Variants in ANK1 observed in about 807,000 individuals in gnomAD.
The protein encoded by ANK1 is ankyrin-1.
ANK1 carries 51 observed loss-of-function variants against 210.4 expected under a neutral mutation model. The ratio of observed to expected loss-of-function variants is 0.24; its 90% CI spans 0.19 to 0.31. The LOEUF (loss-of-function observed/expected upper bound fraction) is 0.31. Ranked by LOEUF, ANK1 falls within the 10% of genes least tolerant of loss-of-function variation. The probability of loss-of-function intolerance (pLI) is 1.00; values close to 1 mark genes in which losing one functional copy is unlikely to be tolerated. For synonymous variants in ANK1, 967 were observed against 1,025.9 expected, an observed-to-expected ratio of 0.94 and a Z score of 1.10; for missense variants, 2,051 against 2,504.4, an observed-to-expected ratio of 0.82 and a Z score of 3.86.
chr8:41,697,971 C>A, intron 24 of ANK1, 72 bp downstream of exon 24: 1 of 1,443,586 alleles, frequency 6.9e-7, no homozygotes, highest in Non-Finnish European at 9.7e-7. Context: ...GTACAGGCCA[C>A]CCCTCAACAA....
chr8:41,870,083 G>A (rs965959231), intron 1 of ANK1, among the ~76,000 whole-genome samples: 1 of 151,960 alleles, frequency 6.6e-6, no homozygotes, highest in Admixed American at 6.6e-5. Flanking sequence ...GGATTCAGGC[G>A]GTTCAAGGAC....
At chr8:41,717,189 T>C in intron 12 of ANK1, 138 bp from the exon 13 acceptor site, 1 of 844,756 alleles carries the variant, frequency 1.2e-6, no homozygotes, top group South Asian at 1.4e-5. Context: ...AGGCAGCTCT[T>C]TAGCCTGGTA....
At chr8:41,667,303 AG>A (rs1055168213) in intron 39 of ANK1, among the ~76,000 whole-genome samples, 17 of 152,232 alleles carry the variant, frequency 1.1e-4, no homozygotes, top group African/African-American at 4.1e-4. Context: ...GTAGGAAAGA[AG>A]GGAGACAAGG....
At chr8:41,716,880 G>A in intron 13 of ANK1, 73 bp downstream of exon 13, 1 of 1,469,692 alleles carries the variant, frequency 6.8e-7, no homozygotes, top group Non-Finnish European at 9.5e-7. Context: ...CGCCTGGAAT[G>A]AGGATGGGTT....
intron 1 of ANK1, among the ~76,000 whole-genome samples, chr8:41,803,054 A>G (rs1289238243): frequency 1.4e-5 from 1 of 72,532 alleles, no homozygotes; most frequent in African/African-American, 6.5e-5. Flanking sequence ...AAAGAAAGAA[A>G]GAGAGAAAGG....
chr8:41,763,917 G>T (rs549555), intron 1 of ANK1, among the ~76,000 whole-genome samples: 96,915 of 101,574 alleles, frequency 0.95, 46,130 homozygotes, highest in Middle Eastern at 0.99. Context: ...TTTTTTTTGG[G>T]CTTCTCCAGG....
chr8:41,859,332 G>C, intron 1 of ANK1, among the ~76,000 whole-genome samples: 1 of 151,214 alleles, frequency 6.6e-6, no homozygotes, highest in Non-Finnish European at 1.5e-5. Context: ...TTTTTTGTTT[G>C]TTTGTGTTTG....
chr8:41,719,581 C>A, intron 10 of ANK1, 80 bp downstream of exon 10: 1 of 1,590,770 alleles, frequency 6.3e-7, no homozygotes, highest in African/African-American at 1.3e-5. Flanking sequence ...GCCCTTCCCA[C>A]AGGCCCAGCC....
intron 6 of ANK1, 130 bp downstream of exon 6, chr8:41,725,631 G>C (rs1830484082): frequency 1.6e-6 from 2 of 1,283,946 alleles, no homozygotes; most frequent in African/African-American, 3.0e-5. Context: ...CCTGGGGTGA[G>C]GGCGCTCAGT....
chr8:41,667,029 T>A (rs1032362506), intron 39 of ANK1, among the ~76,000 whole-genome samples: 1 of 152,218 alleles, frequency 6.6e-6, no homozygotes, highest in East Asian at 1.9e-4. Context: ...GTCTTTCTCT[T>A]TCCCCAGGGA....
At chr8:41,735,933 A>T (rs1038109825) in intron 2 of ANK1, among the ~76,000 whole-genome samples, 2 of 142,684 alleles carry the variant, frequency 1.4e-5, no homozygotes, top group African/African-American at 5.3e-5. Flanking sequence ...CTATCAGCAC[A>T]GCCAGCCTTG....
At chr8:41,673,485 T>C (rs539999) in intron 37 of ANK1, among the ~76,000 whole-genome samples, 82,543 of 152,022 alleles carry the variant, frequency 0.54, 22,777 homozygotes, top group East Asian at 0.64. Flanking sequence ...GGTGGTCAAA[T>C]GGGAAACAAC....
chr8:41,809,979 C>T (rs1802242867), intron 1 of ANK1, among the ~76,000 whole-genome samples: 1 of 152,114 alleles, frequency 6.6e-6, no homozygotes. Flanking sequence ...CCGTGAGCCA[C>T]GGGGATCCAC....
At chr8:41,892,766 G>T (rs1351334995) in intron 1 of ANK1, among the ~76,000 whole-genome samples, 2 of 152,160 alleles carry the variant, frequency 1.3e-5, no homozygotes, top group Non-Finnish European at 2.9e-5. Flanking sequence ...CAACATCTGG[G>T]CAAGCAGAGA....
At position 41,698,050 on chromosome 8, in the gene ANK1, T is replaced by G. The variant is rs752930705; in HGVS notation, c.2630A>C (p.Gln877Pro). 1 of 1,614,108 alleles carries G rather than the reference T, an allele frequency of 6.2e-7. No homozygotes were observed. Among genetic ancestry groups the G allele is most frequent in the South Asian group, 1.1e-5 (1 of 91,076 alleles). ...AGAGAAGGAGCTTCTCACCTGCTCC[T>G]GCTCTTCTGACCTGATCACCACTGT... is the stretch of plus-strand genomic sequence containing the variant. ...PETVVIRSEE[Q>P]EQASKEYDED... is the part of the protein sequence containing the mutation. The change falls in exon 24 of 43, where the codon CAG (glutamine) becomes CCG (proline). Residue 877 changes from glutamine (Q) to proline (P), a missense_variant. Physicochemically the swap from Gln to Pro is moderately conservative, Grantham distance 76. Around this residue, in one of 6 missense-constraint regions of ANK1, gnomAD observed 1,413 missense variants for 1,707.4 expected, o/e 0.83. Transcript: ENST00000289734.
chr8:41,841,189 T>C (rs886923022), intron 1 of ANK1, among the ~76,000 whole-genome samples: 4 of 152,102 alleles, frequency 2.6e-5, no homozygotes, highest in Non-Finnish European at 4.4e-5. Flanking sequence ...GAAAATATGG[T>C]CTATCCATAC....
At chr8:41,811,660 G>A (rs1237878421) in intron 1 of ANK1, among the ~76,000 whole-genome samples, 2 of 152,198 alleles carry the variant, frequency 1.3e-5, no homozygotes, top group Admixed American at 6.5e-5. Flanking sequence ...ACCAGAGCAC[G>A]GAACCTCCCA....
chr8:41,706,244 G>A lies in ANK1; in HGVS notation c.1999-3C>T, dbSNP rs761008846. 5.6e-6 allele frequency: 9 copies of A among 1,613,360 alleles called. No individual in the cohort carries two copies. The African/African-American group carries it at 1.1e-4, about 19-fold the overall frequency. On this transcript the variant is annotated splice_region_variant and splice_polypyrimidine_tract_variant and intron_variant, in intron 17 of 42. Coordinates refer to ENST00000289734, the MANE Select transcript of ANK1 (RefSeq NM_000037.4). ...AGATGGAGGGGAGTGAGTCCGCTCTGCAAAGAAAAAGACGTTCATCACCTT... is the reference window on the plus strand; with the variant it reads ...AGATGGAGGGGAGTGAGTCCGCTCTACAAAGAAAAAGACGTTCATCACCTT...
chr8:41,865,262 T>C (rs1172293710), intron 1 of ANK1, among the ~76,000 whole-genome samples: 1 of 152,154 alleles, frequency 6.6e-6, no homozygotes, highest in Non-Finnish European at 1.5e-5. Context: ...AAGCAGCACA[T>C]TTTCAGGAAC....
Sources: allele counts gnomAD v4.1 joint callset (sites outside exome capture counted in the v4.1 genomes callset), GRCh38; gene constraint gnomAD v4.1.1; regional missense constraint gnomAD v4.1.1; transcripts MANE v1.5; gene names NCBI Gene and HGNC (gene_info 2026-07-23, HGNC 2026-07-21).